The following PIWIL4 variants were observed in gnomAD, a reference collection of about 807,000 sequenced individuals.
The protein encoded by PIWIL4 is piwi-like protein 4.
Under a neutral mutation model 100.9 loss-of-function variants are expected in PIWIL4, and 50 were observed. The observed-to-expected ratio is 0.50, with a 90% CI of 0.39 to 0.63. PIWIL4 has a LOEUF of 0.63. Ranked by LOEUF, PIWIL4 falls within the 20% of genes least tolerant of loss-of-function variation. PIWIL4 has a pLI of 0.00. For synonymous variants in PIWIL4, 342 were observed against 367.5 expected (o/e 0.93, Z 0.79); for missense variants, 887 against 1,043.3 (o/e 0.85, Z 2.06).
Position 94,597,800 on chromosome 11 carries a change from A to C in PIWIL4, c.1269-4A>C. 1 of 1,602,600 alleles carries C rather than the reference A, an allele frequency of 6.2e-7. No individual in the cohort carries two copies. The highest frequency in any genetic ancestry group is 1.1e-5 in the South Asian group (1 of 90,476). On this transcript the variant is annotated splice_region_variant and splice_polypyrimidine_tract_variant and intron_variant, in intron 10 of 19. Transcript: ENST00000299001. ...TTAATGATTTAAAACAACTTTATCAACAGGAATACCAATGCTCGCTTTGAA... is the reference window on the plus strand; with the variant it reads ...TTAATGATTTAAAACAACTTTATCACCAGGAATACCAATGCTCGCTTTGAA...
intron 12 of PIWIL4, among the ~76,000 whole-genome samples, chr11:94,603,648 T>C (rs1279555463): frequency 6.6e-6 from 1 of 152,180 alleles, no homozygotes; most frequent in Non-Finnish European, 1.5e-5. Context: ...TGAACACTCT[T>C]TCAGACATTT....
chr11:94,600,524 A>G (rs1057373747), intron 11 of PIWIL4, among the ~76,000 whole-genome samples: 6 of 152,200 alleles, frequency 3.9e-5, no homozygotes, highest in East Asian at 1.9e-4. Context: ...ACAAGGTAAT[A>G]GAATATCACA....
At chr11:94,617,696 T>C (rs752525467) in intron 16 of PIWIL4, 17 of 421,332 alleles carry the variant, frequency 4.0e-5, no homozygotes, top group Admixed American at 1.3e-4. Flanking sequence ...ATTAAAATTT[T>C]ATTTAAAGAG....
At chr11:94,593,693 T>C (rs1234244185) in intron 9 of PIWIL4, 52 bp downstream of exon 9, 2 of 1,590,396 alleles carry the variant, frequency 1.3e-6, no homozygotes, top group Admixed American at 1.7e-5. Flanking sequence ...AGGCCCCTGA[T>C]GCTTGGCAGT....
chr11:94,616,155 A>G (rs1400816294), intron 15 of PIWIL4, among the ~76,000 whole-genome samples: 3 of 152,224 alleles, frequency 2.0e-5, no homozygotes, highest in African/African-American at 4.8e-5. Flanking sequence ...CCACAACCCT[A>G]TGAGGTAGTA....
At chr11:94,610,831 G>A (rs2135297897) in intron 15 of PIWIL4, among the ~76,000 whole-genome samples, 1 of 151,998 alleles carries the variant, frequency 6.6e-6, no homozygotes, top group African/African-American at 2.4e-5. Flanking sequence ...TTGTATTTTT[G>A]GTGTCATATT....
intron 2 of PIWIL4, among the ~76,000 whole-genome samples, chr11:94,571,484 A>G (rs11020833): frequency 0.24 from 36,026 of 151,914 alleles, 4,510 homozygotes; most frequent in East Asian, 0.29. Context: ...CCCACCCTGC[A>G]TCCAAGTGTT....
rs772741508 is a variant in PIWIL4 at position 94,607,589 on chromosome 11, A to T, written c.1789A>T (p.Met597Leu). The T allele has an allele frequency of 2.5e-6, 4 of 1,614,072 alleles. No homozygotes were observed. Among genetic ancestry groups the T allele is most frequent in the Non-Finnish European group, 3.4e-6 (4 of 1,180,042 alleles). The change falls in exon 14 of 20, where the codon ATG (methionine) becomes TTG (leucine). Residue 597 changes from methionine (M) to leucine (L), a missense_variant. Met to Leu is a conservative substitution (Grantham distance 15). Around this residue, in one of 2 missense-constraint regions of PIWIL4, gnomAD observed 741 missense variants for 930.0 expected, o/e 0.80. Coordinates refer to ENST00000299001, the MANE Select transcript of PIWIL4 (RefSeq NM_152431.3). ...GATGAGTATCGCCACCAAGATCGCT[A>T]TGCAGATGACTTGCAAGCTCGGAGG... ...MMMSIATKIA[M>L]QMTCKLGGEL...
chr11:94,597,987 A>T, intron 11 of PIWIL4, 72 bp downstream of exon 11: 1 of 1,180,942 alleles, frequency 8.5e-7, no homozygotes, highest in Non-Finnish European at 1.2e-6. Flanking sequence ...CATTGGCCAG[A>T]GTGGCTTGTG....
chr11:94,568,881 A>C (rs989884208), intron 2 of PIWIL4, 73 bp downstream of exon 2: 105 of 1,326,844 alleles, frequency 7.9e-5, no homozygotes, highest in Middle Eastern at 1.8e-4. Context: ...GCCAGGCCTT[A>C]CAGCAGTAGG....
At chr11:94,609,497 G>A (rs1346717282) in intron 15 of PIWIL4, among the ~76,000 whole-genome samples, 5 of 152,040 alleles carry the variant, frequency 3.3e-5, no homozygotes, top group African/African-American at 7.2e-5. Context: ...TATGTATTTT[G>A]GATTGTGGGA....
chr11:94,619,249 A>C (rs552094546), intron 17 of PIWIL4, among the ~76,000 whole-genome samples: 1 of 152,294 alleles, frequency 6.6e-6, no homozygotes, highest in East Asian at 1.9e-4. Context: ...ACACTTCACC[A>C]TTCAGCATTT....
chr11:94,585,218 C>A (rs1003278751), intron 5 of PIWIL4, among the ~76,000 whole-genome samples: 2 of 152,202 alleles, frequency 1.3e-5, no homozygotes, highest in African/African-American at 4.8e-5. Context: ...CAGCTAAACC[C>A]AGACAGATAA....
chr11:94,579,379 A>G (rs1484287171), intron 4 of PIWIL4, among the ~76,000 whole-genome samples: 1 of 152,204 alleles, frequency 6.6e-6, no homozygotes, highest in African/African-American at 2.4e-5. Context: ...TGTTTTTAAC[A>G]TATGTTTTGT....
chr11:94,612,093 ATGTTTCCT>A (rs1948793306), intron 15 of PIWIL4, among the ~76,000 whole-genome samples: 1 of 152,180 alleles, frequency 6.6e-6, no homozygotes, highest in Non-Finnish European at 1.5e-5. Flanking sequence ...TTCAAGTCCA[ATGTTTCCT>A]TATTAATTTT....
rs760922789 is a variant in PIWIL4 at position 94,618,009 on chromosome 11, G to T, written c.2070G>T (p.Val690=). The T allele has an allele frequency of 4.3e-6, 7 of 1,612,902 alleles. No individual in the cohort carries two copies. In the East Asian group the frequency reaches 1.6e-4, roughly 36 times the overall value. The change falls in exon 17 of 20, where the codon GTG becomes GTT. Residue 690 remains valine (V), a synonymous_variant. Coordinates refer to ENST00000299001, the MANE Select transcript of PIWIL4 (RefSeq NM_152431.3). ...ATGATTTGCCAGCACGGATAATTGT[G>T]TACCGTGCTGGTGTAGGGGATGGTC... ...YNHDLPARII[V]YRAGVGDGQL...
At chr11:94,581,387 G>T (rs188694291) in intron 4 of PIWIL4, among the ~76,000 whole-genome samples, 219 of 152,314 alleles carry the variant, frequency 1.4e-3, no homozygotes, top group Non-Finnish European at 2.9e-3. Flanking sequence ...GACAATGGGA[G>T]ATATGGGATT....
chr11:94,583,662 T>C, intron 5 of PIWIL4, 93 bp downstream of exon 5: 15 of 1,538,084 alleles, frequency 9.8e-6, no homozygotes, highest in Middle Eastern at 1.7e-4. Context: ...TTGTAGGCAG[T>C]GTGCCAGCAG....
intron 14 of PIWIL4, 166 bp from the exon 15 acceptor site, chr11:94,608,417 C>T: frequency 1.7e-6 from 1 of 582,626 alleles, no homozygotes; most frequent in South Asian, 2.2e-5. Flanking sequence ...AAGTCTCTCT[C>T]ATTTCTGGTT....
Sources: allele counts gnomAD v4.1 joint callset (sites outside exome capture counted in the v4.1 genomes callset), GRCh38; gene constraint gnomAD v4.1.1; regional missense constraint gnomAD v4.1.1; transcripts MANE v1.5; gene names NCBI Gene and HGNC (gene_info 2026-07-23, HGNC 2026-07-21).